Variants in APP observed in about 807,000 individuals in gnomAD.
APP encodes amyloid beta precursor protein.
Under a neutral mutation model 101.4 loss-of-function variants are expected in APP, and 31 were observed. The observed-to-expected ratio is 0.31, with a 90% CI of 0.23 to 0.41. APP has a LOEUF of 0.41. Among genes scored for constraint, APP ranks in the 10% least tolerant of loss-of-function variants. The probability of loss-of-function intolerance (pLI) is 1.00; values close to 1 mark genes in which losing one functional copy is unlikely to be tolerated. For synonymous variants in APP, 366 were observed against 364.4 expected, an observed-to-expected ratio of 1.00 and a Z score of -0.05; for missense variants, 839 against 1,003.7, an observed-to-expected ratio of 0.84 and a Z score of 2.22.
At chr21:26,061,101 G>GA (rs758876304) in intron 3 of APP, among the ~76,000 whole-genome samples, 241 of 152,320 alleles carry the variant, frequency 1.6e-3, no homozygotes, top group Non-Finnish European at 2.8e-3. Context: ...CTTGGACCAG[G>GA]ATGAGAGCAG....
At chr21:25,941,603 A>C in intron 13 of APP, 1 of 152,258 alleles carries the variant, frequency 6.6e-6, no homozygotes, top group Non-Finnish European at 1.5e-5. Flanking sequence ...CAGCCTCCTG[A>C]GTAGCTGGGA....
chr21:26,131,895 T>G (rs566589618), intron 1 of APP, among the ~76,000 whole-genome samples: 1 of 150,044 alleles, frequency 6.7e-6, no homozygotes, highest in African/African-American at 2.5e-5. Context: ...ATCGTGATAG[T>G]TGAATTAAGA....
chr21:25,989,142 C>T (rs941290117), intron 8 of APP, among the ~76,000 whole-genome samples: 10 of 152,156 alleles, frequency 6.6e-5, no homozygotes, highest in African/African-American at 2.4e-4. Flanking sequence ...TCTGAGAAAA[C>T]TGTTAGCATT....
intron 2 of APP, among the ~76,000 whole-genome samples, chr21:26,093,716 C>T (rs1706917224): frequency 6.6e-6 from 1 of 152,166 alleles, no homozygotes; most frequent in African/African-American, 2.4e-5. Context: ...CTTCCAGTTC[C>T]CACCAGGAAA....
intron 13 of APP, among the ~76,000 whole-genome samples, chr21:25,914,571 T>TTTGG (rs1680812472): frequency 6.8e-6 from 1 of 146,222 alleles, no homozygotes; most frequent in African/African-American, 2.6e-5. Context: ...TTTTTTTTTT[T>TTTGG]GAGACGGAGT....
At chr21:26,005,707 G>A (rs907885706) in intron 6 of APP, among the ~76,000 whole-genome samples, 1 of 152,116 alleles carries the variant, frequency 6.6e-6, no homozygotes, top group Non-Finnish European at 1.5e-5. Flanking sequence ...AAATGCTTAT[G>A]TTTACATTTT....
intron 3 of APP, among the ~76,000 whole-genome samples, chr21:26,077,670 C>T (rs2061523134): frequency 6.6e-6 from 1 of 151,880 alleles, no homozygotes; most frequent in Admixed American, 6.6e-5. Context: ...TCGTCTCCTC[C>T]AATCTGGACT....
At chr21:26,061,455 G>A (rs1360840300) in intron 3 of APP, among the ~76,000 whole-genome samples, 1 of 152,084 alleles carries the variant, frequency 6.6e-6, no homozygotes, top group Non-Finnish European at 1.5e-5. Context: ...CTCATTATAT[G>A]CTATCTTTTG....
At chr21:25,888,413 C>CT (rs1353947773) in intron 17 of APP, among the ~76,000 whole-genome samples, 1 of 152,140 alleles carries the variant, frequency 6.6e-6, no homozygotes, top group Non-Finnish European at 1.5e-5. Context: ...TAAACTACAT[C>CT]TTTTTTGAGG....
intron 11 of APP, among the ~76,000 whole-genome samples, chr21:25,969,712 C>T (rs2041938205): frequency 2.0e-5 from 3 of 151,460 alleles, no homozygotes; most frequent in Non-Finnish European, 4.4e-5. Flanking sequence ...CATGGTGGAG[C>T]TTCTGTAGAC....
At chr21:26,140,016 T>A in intron 1 of APP, 1 of 689,020 alleles carries the variant, frequency 1.5e-6, no homozygotes, top group South Asian at 1.8e-5. Context: ...TTACACCAAA[T>A]AATTTGCAAA....
At chr21:26,040,195 G>A (rs778815554) in intron 5 of APP, among the ~76,000 whole-genome samples, 3 of 152,098 alleles carry the variant, frequency 2.0e-5, no homozygotes, top group East Asian at 1.9e-4. Context: ...AATTTTCTAC[G>A]TTTGCTGTCA....
chr21:26,067,349 T>G (rs1194440373), intron 3 of APP, among the ~76,000 whole-genome samples: 1 of 152,220 alleles, frequency 6.6e-6, no homozygotes, highest in Non-Finnish European at 1.5e-5. Flanking sequence ...TTTCAAATAT[T>G]CAATGGCCAT....
At chr21:25,963,746 A>G (rs1204930940) in intron 11 of APP, among the ~76,000 whole-genome samples, 1 of 152,186 alleles carries the variant, frequency 6.6e-6, no homozygotes, top group Non-Finnish European at 1.5e-5. Context: ...GATCTTAGTT[A>G]AACGTAATAT....
At chr21:25,920,484 T>C (rs1263473998) in intron 13 of APP, among the ~76,000 whole-genome samples, 1 of 151,966 alleles carries the variant, frequency 6.6e-6, no homozygotes, top group African/African-American at 2.4e-5. Flanking sequence ...AGGAAACCCA[T>C]CTCATGTGCA....
chr21:25,912,088 G>A, intron 13 of APP, 126 bp from the exon 14 acceptor site: 1 of 754,500 alleles, frequency 1.3e-6, no homozygotes, highest in Non-Finnish European at 2.4e-6. Flanking sequence ...CGCGTTTAGA[G>A]CCATGACATA....
intron 6 of APP, among the ~76,000 whole-genome samples, chr21:26,016,947 G>GT (rs2044105163): frequency 1.7e-5 from 1 of 57,220 alleles, no homozygotes; most frequent in South Asian, 5.2e-4. Flanking sequence ...CGGGGGGCGG[G>GT]GGGCGGGGGG....
chr21:26,041,240 T>C (rs764221567), intron 5 of APP, among the ~76,000 whole-genome samples: 3 of 152,220 alleles, frequency 2.0e-5, no homozygotes, highest in South Asian at 4.1e-4. Flanking sequence ...GAGGCCACAG[T>C]AAAATTAATT....
At chr21:26,004,534 C>T (rs1047418273) in intron 6 of APP, among the ~76,000 whole-genome samples, 15 of 152,098 alleles carry the variant, frequency 9.9e-5, no homozygotes, top group East Asian at 1.9e-4. Flanking sequence ...CCTCATGATC[C>T]GCCTGCCTTG....
Sources: gnomAD v4.1 joint callset for allele counts (sites outside exome capture counted in the v4.1 genomes callset) on GRCh38, gnomAD v4.1.1 for gene constraint, MANE v1.5 for transcripts, NCBI Gene and HGNC (gene_info 2026-07-23, HGNC 2026-07-21) for gene names.